RAD21: variants seen among roughly 807,000 people sequenced by gnomAD.
RAD21 encodes double-strand-break repair protein rad21 homolog.
In RAD21, 18 loss-of-function variants were observed where a neutral mutation model predicts 71.5. The observed-to-expected ratio is 0.25, with a 90% CI of 0.17 to 0.37. RAD21 has a LOEUF of 0.37. Ranked by LOEUF, RAD21 falls within the 10% of genes least tolerant of loss-of-function variation. RAD21 has a pLI of 1.00. For missense variants in RAD21, 493 were observed against 769.1 expected (o/e 0.64, Z 4.25); for synonymous variants, 248 against 254.0 (o/e 0.98, Z 0.22).
At chr8:116,860,728 T>G (rs1228138716) in intron 4 of RAD21, among the ~76,000 whole-genome samples, 1 of 152,198 alleles carries the variant, frequency 6.6e-6, no homozygotes, top group African/African-American at 2.4e-5. Flanking sequence ...CTTGCTTTAC[T>G]GTGGTGGAAC....
At position 116,861,882 on chromosome 8, in the gene RAD21, A is replaced by T; in HGVS notation, c.333T>A (p.Pro111=). 6.2e-7 allele frequency: 1 copy of T among 1,611,876 alleles called. No individual in the cohort carries two copies. The highest frequency in any genetic ancestry group is 8.5e-7 in the Non-Finnish European group (1 of 1,178,400). The change falls in exon 4 of 14, where the codon CCT becomes CCA. Residue 111 remains proline (P), a synonymous_variant. Coordinates refer to ENST00000297338, the MANE Select transcript of RAD21 (RefSeq NM_006265.3). The part of the protein sequence containing the change: ...REAAYNAITL[P]EEFHDFDQPL... Reference sequence around the variant, plus strand: ...GCTGATCAAAGTCATGAAATTCTTCAGGTAAAGTAATGGCATTATAAGCTG... The same window carrying T: ...GCTGATCAAAGTCATGAAATTCTTCTGGTAAAGTAATGGCATTATAAGCTG...
In RAD21 at chr8:116,856,786, G is replaced by A. The variant is rs563764546; in HGVS notation, c.689-15C>T. ...AAGTTTGTCATCTGAAATAGGGAATGTAAGTTAGTTATAATTTGAAAAAGA... is the reference window on the plus strand; with the variant it reads ...AAGTTTGTCATCTGAAATAGGGAATATAAGTTAGTTATAATTTGAAAAAGA... On this transcript the variant is annotated splice_polypyrimidine_tract_variant and intron_variant, in intron 6 of 13. Transcript: ENST00000297338. 1.4e-6 allele frequency: 2 copies of A among 1,480,124 alleles called. No homozygotes were observed. Among genetic ancestry groups the A allele is most frequent in the South Asian group, 1.4e-5 (1 of 71,134 alleles). 91.7% of individuals were successfully genotyped at this position (1,480,124 alleles called of 1,614,324 possible).
At chr8:116,858,063 C>G (rs935677278) in intron 5 of RAD21, among the ~76,000 whole-genome samples, 1 of 152,128 alleles carries the variant, frequency 6.6e-6, no homozygotes, top group East Asian at 1.9e-4. Context: ...ACTAACTGTT[C>G]CAAAATGGTT....
chr8:116,861,979 A>G (rs759148603), intron 3 of RAD21, 39 bp from the exon 4 acceptor site: 1 of 1,467,994 alleles, frequency 6.8e-7, no homozygotes, highest in South Asian at 1.1e-5. Context: ...CTAGCTACCC[A>G]TAAATTATCT....
intron 1 of RAD21, chr8:116,867,048 GA>G (rs1812710517): frequency 5.2e-6 from 1 of 190,708 alleles, no homozygotes; most frequent in South Asian, 1.8e-4. Flanking sequence ...ATTGACAGTA[GA>G]AATAGTCTGT....
At position 116,847,534 on chromosome 8, in the gene RAD21, A is replaced by T; in HGVS notation, c.1862T>A (p.Ile621Asn). ...LTQEEPYSDI[I>N]ATPGPRFHII Reference sequence around the variant, plus strand: ...ATGGAACCTTGGTCCAGGTGTTGCGATGATGTCACTGTACGGTTCTTCCTG... The same window carrying T: ...ATGGAACCTTGGTCCAGGTGTTGCGTTGATGTCACTGTACGGTTCTTCCTG... Residue 621 changes from isoleucine to asparagine, a missense_variant, in exon 14 of 14, where the codon ATC (isoleucine) becomes AAC (asparagine). Transcript: ENST00000297338. 1 of 1,613,326 alleles carries T rather than the reference A, an allele frequency of 6.2e-7. No homozygotes were observed.
Position 116,848,930 on chromosome 8 carries a change from A to G in RAD21, c.1704+16T>C. Reference sequence around the variant, plus strand: ...CTTTGATGAAGCATTTTCCTCTGAGACAACAGCGGCAATACCTGAAGACCA... The same window carrying G: ...CTTTGATGAAGCATTTTCCTCTGAGGCAACAGCGGCAATACCTGAAGACCA... On this transcript the variant is annotated intron_variant, in intron 13 of 13. Coordinates refer to ENST00000297338, the MANE Select transcript of RAD21 (RefSeq NM_006265.3). 5.0e-6 allele frequency: 8 copies of G among 1,592,340 alleles called. No homozygotes were observed. Among genetic ancestry groups the G allele is most frequent in the Non-Finnish European group, 6.8e-6 (8 of 1,168,604 alleles).
rs750597892 is a variant in RAD21 at position 116,850,789 on chromosome 8, C to T, written c.1471-22G>A. ...GAGGCTTAAAGCAATACAAATAAGACAATTTAAGATATATGCTTTTAAAGT... is the reference window on the plus strand; with the variant it reads ...GAGGCTTAAAGCAATACAAATAAGATAATTTAAGATATATGCTTTTAAAGT... On this transcript the variant is annotated intron_variant, in intron 11 of 13. Transcript: ENST00000297338. 7 of 1,477,430 alleles carry T rather than the reference C, an allele frequency of 4.7e-6. No individual in the cohort carries two copies. The East Asian group carries it at 1.4e-4, about 29-fold the overall frequency. The allele number at this position is 1,477,430 out of a possible 1,614,324, so 91.5% of individuals were successfully genotyped here.
At chr8:116,859,058 A>T (rs1812529815) in intron 4 of RAD21, among the ~76,000 whole-genome samples, 1 of 148,764 alleles carries the variant, frequency 6.7e-6, no homozygotes. Flanking sequence ...TATCAACCAG[A>T]TGCAGTTTGT....
At position 116,858,291 on chromosome 8, in the gene RAD21, T is replaced by C. The variant is rs112565869; in HGVS notation, c.481+61A>G. On this transcript the variant is annotated intron_variant, in intron 5 of 13. Coordinates refer to ENST00000297338, the MANE Select transcript of RAD21 (RefSeq NM_006265.3). ...TCTATAGTCTGGTTTTCTTTTGAAA[T>C]TGCTATTAGCAACACAATATAACAT... is the stretch of plus-strand genomic sequence containing the variant. The C allele has an allele frequency of 1.3e-4, 159 of 1,264,016 alleles. No homozygotes were observed. In the African/African-American group the frequency reaches 2.2e-3, roughly 17 times the overall value. The allele number at this position is 1,264,016 out of a possible 1,614,324, so 78.3% of individuals were successfully genotyped here.
At position 116,852,678 on chromosome 8, in the gene RAD21, G is replaced by A. The variant is rs1257525696; in HGVS notation, c.1192C>T (p.Pro398Ser). The A allele has an allele frequency of 1.9e-6, 3 of 1,609,572 alleles. No homozygotes were observed. Among genetic ancestry groups the A allele is most frequent in the Non-Finnish European group, 2.5e-6 (3 of 1,178,480 alleles). ...TTCCTCCTTTTTCTAAGGTCTTCTG[G>A]TACAAGCGGTGTAAGACAGCGTGTA... ...LFTRCLTPLVPEDLRKRRKGG... is the reference protein window; with the variant it reads ...LFTRCLTPLVSEDLRKRRKGG... Residue 398 changes from proline to serine, a missense_variant, in exon 10 of 14, where the codon CCA (proline) becomes TCA (serine). Coordinates refer to ENST00000297338, the MANE Select transcript of RAD21 (RefSeq NM_006265.3).
rs1255265874 is a variant in RAD21, at chr8:116,846,931, T to C, written c.*569A>G. The C allele has an allele frequency of 9.3e-6, 2 of 214,846 alleles. No homozygotes were observed. Among genetic ancestry groups the C allele is most frequent in the East Asian group, 1.4e-4 (2 of 14,336 alleles). The allele number at this position is 214,846 out of a possible 1,614,324, so 13.3% of individuals were successfully genotyped here. ...CTGAAGGCTATCAGTCATAACACAATTTCGCGTACACCTCTGCTCATTATG... is the reference window on the plus strand; with the variant it reads ...CTGAAGGCTATCAGTCATAACACAACTTCGCGTACACCTCTGCTCATTATG... On this transcript the variant is annotated 3_prime_UTR_variant, in exon 14 of 14. Transcript: ENST00000297338.
rs761168258 is a variant in RAD21 at position 116,854,486 on chromosome 8, A to C, written c.938-18T>G. ...TTCTTTAACTGGAATGATAATAAAA[A>C]ATAAGATCATTTTCCTGAGAGGCCA... On this transcript the variant is annotated intron_variant, in intron 8 of 13. Coordinates refer to ENST00000297338, the MANE Select transcript of RAD21 (RefSeq NM_006265.3). 42 of 1,586,204 alleles carry C rather than the reference A, an allele frequency of 2.6e-5. No homozygotes were observed. In the South Asian group the frequency reaches 3.9e-4, roughly 15 times the overall value.
chr8:116,862,767 C>T (rs1401478580), intron 3 of RAD21, among the ~76,000 whole-genome samples: 1 of 151,936 alleles, frequency 6.6e-6, no homozygotes, highest in Non-Finnish European at 1.5e-5. Context: ...GTTTAAAATC[C>T]TAAAATTGTC....
intron 1 of RAD21, among the ~76,000 whole-genome samples, chr8:116,870,339 C>A: frequency 6.6e-6 from 1 of 151,750 alleles, no homozygotes; most frequent in African/African-American, 2.4e-5. Flanking sequence ...CCACCCTGGT[C>A]AATATAGCAA....
chr8:116,874,743 C>A lies in RAD21; in HGVS notation c.-165G>T. On this transcript the variant is annotated 5_prime_UTR_variant, in exon 1 of 14. Coordinates refer to ENST00000297338, the MANE Select transcript of RAD21 (RefSeq NM_006265.3). ...CAGCTCCCGCCGCCGCCACAGCCGGCGCCTCCTTTCCGATTCACTCAAACA... is the reference window on the plus strand; with the variant it reads ...CAGCTCCCGCCGCCGCCACAGCCGGAGCCTCCTTTCCGATTCACTCAAACA... 1 of 454,642 alleles carries A rather than the reference C, an allele frequency of 2.2e-6. No homozygotes were observed. The highest frequency in any genetic ancestry group is 4.4e-6 in the Non-Finnish European group (1 of 225,800). 28.2% of individuals were successfully genotyped at this position (454,642 alleles called of 1,614,324 possible).
chr8:116,859,171 T>C (rs965467318), intron 4 of RAD21, among the ~76,000 whole-genome samples: 4 of 151,148 alleles, frequency 2.6e-5, no homozygotes, highest in Non-Finnish European at 5.9e-5. Context: ...CATATAGGCA[T>C]ACCTTGTTTT....
At chr8:116,854,494 C>T in intron 8 of RAD21, 26 bp from the exon 9 acceptor site, 1 of 1,573,594 alleles carries the variant, frequency 6.4e-7, no homozygotes, top group Non-Finnish European at 8.7e-7. Flanking sequence ...AAAATAAGAT[C>T]ATTTTCCTGA....
rs34653007 is a variant in RAD21, at chr8:116,856,674, G to A, written c.786C>T (p.Asp262=). ...GVMLPEQPAH[D]DMDEDDNVSM... ...ATACATTATCATCCTCATCCATATCGTCATGTGCAGGCTGCTCTGGCAACA... is the reference window on the plus strand; with the variant it reads ...ATACATTATCATCCTCATCCATATCATCATGTGCAGGCTGCTCTGGCAACA... Residue 262 remains aspartate, a synonymous_variant, in exon 7 of 14, where the codon GAC becomes GAT. Transcript: ENST00000297338. The A allele has an allele frequency of 4.6e-4, 737 of 1,594,966 alleles. 4 individuals are homozygous for A. The African/African-American group carries it at 9.1e-3, about 20-fold the overall frequency.
Sources: allele counts gnomAD v4.1 joint callset (sites outside exome capture counted in the v4.1 genomes callset), GRCh38; gene constraint gnomAD v4.1.1; transcripts MANE v1.5; gene names NCBI Gene and HGNC (gene_info 2026-07-23, HGNC 2026-07-21).